SLC25A26: variants seen among roughly 807,000 people sequenced by gnomAD.
The protein encoded by SLC25A26 is solute carrier family 25 member 26, also known as mitochondrial S-adenosylmethionine carrier protein.
In SLC25A26, 36 loss-of-function variants were observed where a neutral mutation model predicts 37.8. The ratio of observed to expected loss-of-function variants is 0.95; its 90% CI spans 0.73 to 1.26. The LOEUF is 1.26. Among genes scored for constraint, SLC25A26 ranks in the 50% most tolerant of loss-of-function variants. The pLI, the probability that SLC25A26 is intolerant of heterozygous loss-of-function variation, is 0.00. For synonymous variants in SLC25A26, 129 were observed against 122.5 expected, an observed-to-expected ratio of 1.05 and a Z score of -0.35; for missense variants, 390 against 331.1, an observed-to-expected ratio of 1.18 and a Z score of -1.38.
chr3:66,238,818 A>G (rs2072425928), intron 2 of SLC25A26, among the ~76,000 whole-genome samples: 1 of 151,984 alleles, frequency 6.6e-6, no homozygotes, highest in African/African-American at 2.4e-5. Context: ...GAAAAAGAGG[A>G]CTTGGTTTTG....
intron 7 of SLC25A26, among the ~76,000 whole-genome samples, chr3:66,364,982 A>G (rs1028243439): frequency 6.6e-6 from 1 of 152,206 alleles, no homozygotes; most frequent in African/African-American, 2.4e-5. Context: ...TTGAAATTTT[A>G]TTTGGTACAA....
intron 5 of SLC25A26, among the ~76,000 whole-genome samples, chr3:66,318,967 T>C (rs1008699052): frequency 6.6e-6 from 1 of 152,156 alleles, no homozygotes; most frequent in African/African-American, 2.4e-5. Context: ...ACTTTTAGAT[T>C]GACAAATTTG....
chr3:66,196,143 G>C (rs1184060062), intron 1 of SLC25A26, among the ~76,000 whole-genome samples: 1 of 146,044 alleles, frequency 6.8e-6, no homozygotes, highest in Admixed American at 6.8e-5. Flanking sequence ...TAAGTAATCA[G>C]TCTGTTTTTT....
At chr3:66,244,079 T>A (rs1680400) in intron 3 of SLC25A26, among the ~76,000 whole-genome samples, 8,309 of 152,244 alleles carry the variant, frequency 0.055, 281 homozygotes, top group East Asian at 0.088. Flanking sequence ...AACAGCCCTA[T>A]ACAAACTGCT....
At position 66,378,628 on chromosome 3, in the gene SLC25A26, C is replaced by T. The variant is rs1700825800; in HGVS notation, c.*821C>T. The T allele has an allele frequency of 1.3e-5, 2 of 152,386 alleles. No homozygotes were observed. The highest frequency in any genetic ancestry group is 4.8e-5 in the African/African-American group (2 of 41,442). The allele number at this position is 152,386 out of a possible 1,614,324, so 9.4% of individuals were successfully genotyped here. On this transcript the variant is annotated 3_prime_UTR_variant, in exon 10 of 10. Transcript: ENST00000354883. The stretch of plus-strand genomic sequence containing the variant: ...ATTTTAGACCTTGACTAACAAGCTC[C>T]AGGTGTAGAAAAATTCAAAACAAAA...
chr3:66,269,355 A>G (rs1336673600), intron 5 of SLC25A26, among the ~76,000 whole-genome samples: 1 of 152,204 alleles, frequency 6.6e-6, no homozygotes, highest in Non-Finnish European at 1.5e-5. Context: ...CTGCTTGTAA[A>G]GCTCTTCAGC....
intron 5 of SLC25A26, among the ~76,000 whole-genome samples, chr3:66,319,005 G>A (rs956359317): frequency 5.9e-5 from 9 of 152,110 alleles, no homozygotes; most frequent in Non-Finnish European, 1.0e-4. Context: ...TGTGACTTGC[G>A]CTATACTTAC....
At chr3:66,187,992 C>A in intron 1 of SLC25A26, among the ~76,000 whole-genome samples, 4 of 152,250 alleles carry the variant, frequency 2.6e-5, no homozygotes, top group Admixed American at 2.6e-4. Context: ...TGACTATGAC[C>A]CTCCTCACTA....
chr3:66,374,321 T>A lies in SLC25A26; in HGVS notation c.708-3369T>A, dbSNP rs145274453. Among the ~76,000 whole-genome samples the A allele has an allele frequency of 8.9e-3, 1,354 of 152,322 alleles. 30 individuals carry two copies. Among genetic ancestry groups the A allele is most frequent in the African/African-American group, 0.031 (1,307 of 41,564 alleles). ...ATTCTCACCTGTCAAATATTTTCATTATCATATCTGCTGTGGTGATCTGTG... is the reference window on the plus strand; with the variant it reads ...ATTCTCACCTGTCAAATATTTTCATAATCATATCTGCTGTGGTGATCTGTG... On this transcript the variant is annotated intron_variant, in intron 9 of 9. Transcript: ENST00000354883.
rs959778175 is a variant in SLC25A26 at position 66,213,535 on chromosome 3, T to A, written c.-353-7207T>A. 2.7e-3 allele frequency among the ~76,000 whole-genome samples: 411 copies of A among 151,842 alleles called. 1 individual carries two copies. Among genetic ancestry groups the A allele is most frequent in the African/African-American group, 9.8e-3 (404 of 41,374 alleles). Reference sequence around the variant, plus strand: ...GCAGAAAGTACGGAGATTTCTCATATATCCTCTGCCCCCATACATGCACAG... The same window carrying A: ...GCAGAAAGTACGGAGATTTCTCATAAATCCTCTGCCCCCATACATGCACAG... On this transcript the variant is annotated intron_variant, in intron 1 of 10. Transcript: ENST00000676754.
intron 6 of SLC25A26, among the ~76,000 whole-genome samples, chr3:66,360,637 A>T (rs2076676666): frequency 6.6e-6 from 1 of 152,242 alleles, no homozygotes; most frequent in Non-Finnish European, 1.5e-5. Context: ...ACTGAAATTT[A>T]AAAAACAGTG....
chr3:66,246,458 C>T (rs568244698), intron 3 of SLC25A26, among the ~76,000 whole-genome samples: 7 of 152,198 alleles, frequency 4.6e-5, no homozygotes, highest in East Asian at 1.9e-4. Context: ...TGTAGAAAGT[C>T]GTTTATATTC....
At chr3:66,209,137 T>TA (rs2071235154) in intron 1 of SLC25A26, among the ~76,000 whole-genome samples, 1 of 94,042 alleles carries the variant, frequency 1.1e-5, no homozygotes, top group African/African-American at 3.7e-5. Flanking sequence ...TATATACCTT[T>TA]TATATATATA....
intron 1 of SLC25A26, among the ~76,000 whole-genome samples, chr3:66,215,752 T>C (rs1431833696): frequency 2.6e-5 from 4 of 152,260 alleles, no homozygotes; most frequent in Non-Finnish European, 5.9e-5. Context: ...TTCCATTTTA[T>C]ATATTTACTA....
intron 5 of SLC25A26, among the ~76,000 whole-genome samples, chr3:66,266,447 C>G (rs545004855): frequency 6.6e-6 from 1 of 152,044 alleles, no homozygotes; most frequent in South Asian, 2.1e-4. Flanking sequence ...TACATTTATT[C>G]TGTATGCAAT....
chr3:66,212,421 T>C (rs2071296784), intron 1 of SLC25A26, among the ~76,000 whole-genome samples: 1 of 152,192 alleles, frequency 6.6e-6, no homozygotes. Flanking sequence ...AATTCATATT[T>C]TATTATTCAT....
intron 5 of SLC25A26, among the ~76,000 whole-genome samples, chr3:66,308,618 G>A (rs1442103328): frequency 1.3e-5 from 2 of 152,176 alleles, no homozygotes; most frequent in Non-Finnish European, 2.9e-5. Context: ...TCCCCATTGA[G>A]TATGACACTG....
chr3:66,175,140 TACAC>T lies in SLC25A26; in HGVS notation c.-354+41174_-354+41177del, dbSNP rs1227038410. 9.7e-3 allele frequency among the ~76,000 whole-genome samples: 651 copies of T among 66,898 alleles called. 5 individuals carry two copies. Among genetic ancestry groups the T allele is most frequent in the African/African-American group, 0.036 (557 of 15,568 alleles). 43.9% of individuals were successfully genotyped at this position (66,898 alleles called of 152,430 possible). A position where few individuals can be genotyped will look rare whatever the true frequency, so the allele number is the denominator to read the frequency against. On this transcript the variant is annotated intron_variant, in intron 1 of 10. Coordinates refer to the SLC25A26 transcript ENST00000676754. The stretch of plus-strand genomic sequence containing the variant: ...ATATATATATATATATATATATATA[TACAC>T]ACACACACACACACACATTATATGT...
intron 3 of SLC25A26, among the ~76,000 whole-genome samples, chr3:66,256,250 T>C (rs781958225): frequency 1.3e-5 from 2 of 152,184 alleles, no homozygotes; most frequent in African/African-American, 2.4e-5. Context: ...GTTGGACTTA[T>C]ACCCAATTTT....
Sources: allele counts gnomAD v4.1 joint callset (sites outside exome capture counted in the v4.1 genomes callset), GRCh38; gene constraint gnomAD v4.1.1; transcripts MANE v1.5; gene names NCBI Gene and HGNC (gene_info 2026-07-23, HGNC 2026-07-21).